The following GATAD1 variants were observed in gnomAD, a reference collection of about 807,000 sequenced individuals.
The protein encoded by GATAD1 is GATA zinc finger domain-containing protein 1.
Under a neutral mutation model 26.5 loss-of-function variants are expected in GATAD1, and 12 were observed. The ratio of observed to expected loss-of-function variants is 0.45; its 90% CI spans 0.29 to 0.73. GATAD1 has a LOEUF of 0.73. Among genes scored for constraint, GATAD1 ranks in the 30% least tolerant of loss-of-function variants. The pLI, the probability that GATAD1 is intolerant of heterozygous loss-of-function variation, is 0.10. For synonymous variants in GATAD1, 129 were observed against 133.1 expected (o/e 0.97, Z 0.21); for missense variants, 266 against 342.1 (o/e 0.78, Z 1.75).
At chr7:92,464,949 G>A (rs774109984), downstream of GATAD1, among the ~76,000 whole-genome samples, 8 of 152,208 alleles carry the variant, frequency 5.3e-5, no homozygotes, top group Non-Finnish European at 7.3e-5. Flanking sequence ...ATTTGATTTT[G>A]TGAATAAAGC....
chr7:92,482,934 G>T, the GATAD1 span, among the ~76,000 whole-genome samples: 1 of 152,162 alleles, frequency 6.6e-6, no homozygotes. Flanking sequence ...ATGTGGAGTG[G>T]GTAGCCCCTG....
At position 92,457,609 on chromosome 7, in the gene GATAD1, ATTAT is replaced by A. The variant is rs1265980038; in HGVS notation, c.*1054_*1057del. On this transcript the variant is annotated 3_prime_UTR_variant, in exon 5 of 5. Coordinates refer to ENST00000287957, the MANE Select transcript of GATAD1 (RefSeq NM_021167.5). The stretch of plus-strand genomic sequence containing the variant: ...GAACAGGTAGTATCTATTTTTCTCC[ATTAT>A]TTATTTCTAGAAACTCATAAAATGG... 1.3e-5 allele frequency: 2 copies of A among 152,226 alleles called. No homozygotes were observed. Among genetic ancestry groups the A allele is most frequent in the Non-Finnish European group, 2.9e-5 (2 of 68,040 alleles). The allele number at this position is 152,226 out of a possible 1,614,324, so 9.4% of individuals were successfully genotyped here. A position where few individuals can be genotyped will look rare whatever the true frequency, so the allele number is the denominator to read the frequency against.
chr7:92,495,053 CCCTT>C, the GATAD1 span, among the ~76,000 whole-genome samples: 6 of 151,924 alleles, frequency 3.9e-5, no homozygotes, highest in African/African-American at 1.4e-4. Context: ...TTATTGGCCA[CCCTT>C]CCTTCTTTTG....
the GATAD1 span, among the ~76,000 whole-genome samples, chr7:92,466,869 G>A: frequency 0.018 from 2,766 of 152,222 alleles, 81 homozygotes; most frequent in African/African-American, 0.063. Context: ...CTTGGTGCAA[G>A]GTACTCATTA....
At chr7:92,484,633 G>C in the GATAD1 span, among the ~76,000 whole-genome samples, 1 of 152,204 alleles carries the variant, frequency 6.6e-6, no homozygotes, top group African/African-American at 2.4e-5. Flanking sequence ...AGATTGAAGG[G>C]TAGTGAGAGA....
At chr7:92,483,938 A>G in the GATAD1 span, among the ~76,000 whole-genome samples, 3 of 152,118 alleles carry the variant, frequency 2.0e-5, no homozygotes, top group South Asian at 6.2e-4. Context: ...AAGGACTCAG[A>G]GCTTGGGGTG....
At chr7:92,466,054 A>C in the GATAD1 span, among the ~76,000 whole-genome samples, 1 of 152,138 alleles carries the variant, frequency 6.6e-6, no homozygotes, top group East Asian at 1.9e-4. Context: ...TTCTCATAAC[A>C]TCATCTCTAC....
downstream of GATAD1, among the ~76,000 whole-genome samples, chr7:92,461,644 A>T (rs1421072976): frequency 2.0e-5 from 3 of 152,200 alleles, no homozygotes; most frequent in Admixed American, 6.5e-5. Context: ...GGAAAGATAG[A>T]TTGGATTATT....
the GATAD1 span, among the ~76,000 whole-genome samples, chr7:92,490,865 T>C: frequency 3.9e-5 from 6 of 152,350 alleles, no homozygotes; most frequent in Admixed American, 1.3e-4. Flanking sequence ...GTGCTTACTA[T>C]GCAGCAAAAG....
the GATAD1 span, chr7:92,489,606 C>A: frequency 6.4e-6 from 7 of 1,091,802 alleles, no homozygotes; most frequent in Admixed American, 1.4e-4. Flanking sequence ...TGTTCTGGTC[C>A]CTTGTTTATA....
At chr7:92,489,618 A>T in the GATAD1 span, 1 of 1,190,222 alleles carries the variant, frequency 8.4e-7, no homozygotes, top group Non-Finnish European at 1.2e-6. Flanking sequence ...TTGTTTATAA[A>T]TATAGCTCGT....
the GATAD1 span, among the ~76,000 whole-genome samples, chr7:92,484,555 C>T: frequency 2.6e-5 from 4 of 152,006 alleles, no homozygotes; most frequent in African/African-American, 9.7e-5. Context: ...AGTTTTGGGT[C>T]CATGGATAAA....
chr7:92,489,226 G>C, the GATAD1 span: 5 of 1,338,110 alleles, frequency 3.7e-6, no homozygotes, highest in Non-Finnish European at 4.3e-6. Flanking sequence ...GAACTTTAAA[G>C]GTTTAAGTGT....
Position 92,454,545 on chromosome 7 carries a change from A to G in GATAD1, c.479A>G (p.Glu160Gly). 6.2e-7 allele frequency: 1 copy of G among 1,613,046 alleles called. No homozygotes were observed. The highest frequency in any genetic ancestry group is 8.5e-7 in the Non-Finnish European group (1 of 1,179,018). The change falls in exon 4 of 5, where the codon GAA becomes GGA. Residue 160 changes from glutamate (E) to glycine (G), a missense_variant. Coordinates refer to ENST00000287957, the MANE Select transcript of GATAD1 (RefSeq NM_021167.5). ...QIGDVVSVID[E>G]QDGKPYYAQI... is the part of the protein sequence containing the mutation. ...GGTGATGTTGTTTCTGTGATTGATG[A>G]ACAAGATGGAAAGCCCTACTATGCT... is the stretch of plus-strand genomic sequence containing the variant.
In GATAD1 at chr7:92,456,480, G is replaced by T; in HGVS notation, c.728G>T (p.Arg243Ile). 6.2e-7 allele frequency: 1 copy of T among 1,612,786 alleles called. No individual in the cohort carries two copies. Among genetic ancestry groups the T allele is most frequent in the South Asian group, 1.1e-5 (1 of 91,040 alleles). ...TCACCATTTCCCACAGTTCCCACCA[G>T]ACCAGAGAAGGGCTACATATGGACT... ...RSSPFPTVPT[R>I]PEKGYIWTHV... is the part of the protein sequence containing the mutation. Residue 243 changes from arginine to isoleucine, a missense_variant, in exon 5 of 5, where the codon AGA (arginine) becomes ATA (isoleucine). Coordinates refer to ENST00000287957, the MANE Select transcript of GATAD1 (RefSeq NM_021167.5).
chr7:92,488,909 T>C, the GATAD1 span, among the ~76,000 whole-genome samples: 3 of 152,244 alleles, frequency 2.0e-5, no homozygotes, highest in Admixed American at 2.0e-4. Context: ...AATTTTTGTA[T>C]TTTTAGTAGA....
the GATAD1 span, among the ~76,000 whole-genome samples, chr7:92,468,185 C>G: frequency 6.6e-6 from 1 of 152,198 alleles, no homozygotes; most frequent in Non-Finnish European, 1.5e-5. Context: ...GGCACTTAGC[C>G]ATGCAGGAAC....
rs1789201503 is a variant in GATAD1, at chr7:92,447,567, A to G, written c.-163A>G. On this transcript the variant is annotated 5_prime_UTR_variant, in exon 1 of 5. Coordinates refer to ENST00000287957, the MANE Select transcript of GATAD1 (RefSeq NM_021167.5). ...CCGGCGGAACCCGCTTCCCGCCTCCACGGGGCAGCGCCAGCGGCCTGGTCC... is the reference window on the plus strand; with the variant it reads ...CCGGCGGAACCCGCTTCCCGCCTCCGCGGGGCAGCGCCAGCGGCCTGGTCC... The G allele has an allele frequency of 1.1e-6, 1 of 940,974 alleles. No individual in the cohort carries two copies. The allele number at this position is 940,974 out of a possible 1,614,324, so 58.3% of individuals were successfully genotyped here.
the GATAD1 span, among the ~76,000 whole-genome samples, chr7:92,478,778 C>T: frequency 2.0e-5 from 3 of 152,186 alleles, no homozygotes; most frequent in Non-Finnish European, 2.9e-5. Flanking sequence ...CTTTGATATG[C>T]AAATGCAGGC....
Sources: gnomAD v4.1 joint callset for allele counts (sites outside exome capture counted in the v4.1 genomes callset) on GRCh38, gnomAD v4.1.1 for gene constraint, MANE v1.5 for transcripts, NCBI Gene and HGNC (gene_info 2026-07-23, HGNC 2026-07-21) for gene names.